MYLK: variants seen among roughly 807,000 people sequenced by gnomAD.
MYLK encodes myosin light chain kinase.
MYLK carries 106 observed loss-of-function variants against 203.4 expected under a neutral mutation model. That is an observed-to-expected ratio of 0.52 (90% CI 0.45 to 0.61). MYLK has a LOEUF of 0.61. Among genes scored for constraint, MYLK ranks in the 20% least tolerant of loss-of-function variants. The pLI is 0.00. For missense variants in MYLK, 2,072 were observed against 2,442.3 expected, an observed-to-expected ratio of 0.85 and a Z score of 3.20; for synonymous variants, 867 against 959.5, an observed-to-expected ratio of 0.90 and a Z score of 1.78.
chr3:123,829,880 C>T (rs1453621274), intron 3 of MYLK, among the ~76,000 whole-genome samples: 1 of 152,192 alleles, frequency 6.6e-6, no homozygotes, highest in Non-Finnish European at 1.5e-5. Context: ...CCAGATGTAT[C>T]TCAAGAGCTT....
At chr3:123,854,529 C>T (rs2031173597) in intron 2 of MYLK, among the ~76,000 whole-genome samples, 1 of 151,976 alleles carries the variant, frequency 6.6e-6, no homozygotes, top group Admixed American at 6.6e-5. Flanking sequence ...TTACATTGTA[C>T]ATATTTTCTC....
chr3:123,789,659 C>CAAAA (rs745766578), intron 4 of MYLK, among the ~76,000 whole-genome samples: 12 of 78,658 alleles, frequency 1.5e-4, no homozygotes, highest in African/African-American at 2.8e-4. Context: ...GCTGGCAAAG[C>CAAAA]AAAAAAAAAA....
chr3:123,632,520 C>T (rs1382164013), intron 29 of MYLK, among the ~76,000 whole-genome samples: 1 of 152,158 alleles, frequency 6.6e-6, no homozygotes, highest in African/African-American at 2.4e-5. Flanking sequence ...AGAGCCTCCT[C>T]GCCTCTGGCC....
chr3:123,667,788 G>A (rs1019531688), intron 20 of MYLK, among the ~76,000 whole-genome samples: 2 of 151,958 alleles, frequency 1.3e-5, no homozygotes, highest in African/African-American at 2.4e-5. Context: ...AGCCCTTTTC[G>A]AAGACGATAA....
chr3:123,704,747 C>CAAAAAAAAAAAA lies in MYLK; in HGVS notation c.2390+2995_2390+3006dup, dbSNP rs5852352. Among the ~76,000 whole-genome samples the CAAAAAAAAAAAA allele has an allele frequency of 2.3e-4, 20 of 87,672 alleles. No homozygotes were observed. In the East Asian group the frequency reaches 2.5e-3, roughly 11 times the overall value. 57.5% of individuals were successfully genotyped at this position (87,672 alleles called of 152,430 possible). On this transcript the variant is annotated intron_variant, in intron 16 of 33. Transcript: ENST00000360304. Reference sequence around the variant, plus strand: ...TGAAACCCCGTCTCTACTAAAAATACAAAAAAAAAAAAAAAAAAAAAAATT... The same window carrying CAAAAAAAAAAAA: ...TGAAACCCCGTCTCTACTAAAAATACAAAAAAAAAAAAAAAAAAAAAAAAAAAAAAAAAAATT...
chr3:123,820,098 G>GGGC (rs2065873586), intron 3 of MYLK, among the ~76,000 whole-genome samples: 1 of 152,182 alleles, frequency 6.6e-6, no homozygotes, highest in East Asian at 1.9e-4. Context: ...GCACAGAGCA[G>GGGC]GGCTCTCATG....
intron 16 of MYLK, among the ~76,000 whole-genome samples, chr3:123,703,625 G>T (rs2877734): frequency 0.081 from 12,265 of 152,174 alleles, 1,411 homozygotes; most frequent in East Asian, 0.49. Context: ...TCCTCAGTGT[G>T]CCCCGAGTTC....
At chr3:123,780,677 G>A (rs1343192383) in intron 4 of MYLK, among the ~76,000 whole-genome samples, 2 of 152,204 alleles carry the variant, frequency 1.3e-5, no homozygotes, top group African/African-American at 4.8e-5. Context: ...AAGCTGCCCA[G>A]TAAACACGTT....
intron 23 of MYLK, among the ~76,000 whole-genome samples, chr3:123,658,868 G>C (rs916590931): frequency 1.5e-3 from 232 of 152,134 alleles, no homozygotes; most frequent in Admixed American, 3.2e-3. Context: ...CCCTCTCCCA[G>C]CCCTGCCGAT....
chr3:123,792,940 C>T (rs1215650208), intron 4 of MYLK, among the ~76,000 whole-genome samples: 1 of 152,336 alleles, frequency 6.6e-6, no homozygotes, highest in East Asian at 1.9e-4. Flanking sequence ...CCCCTGCAAA[C>T]TCTCCAGACA....
intron 2 of MYLK, among the ~76,000 whole-genome samples, chr3:123,851,840 C>T: frequency 6.6e-6 from 1 of 152,088 alleles, no homozygotes; most frequent in Non-Finnish European, 1.5e-5. Context: ...AAAAGGAATG[C>T]TTCCAGTTTT....
chr3:123,631,124 G>T (rs918183415), intron 29 of MYLK, among the ~76,000 whole-genome samples: 4 of 152,196 alleles, frequency 2.6e-5, no homozygotes, highest in African/African-American at 9.7e-5. Context: ...GGGGCCAGGC[G>T]TGGTGGCTCA....
intron 4 of MYLK, among the ~76,000 whole-genome samples, chr3:123,766,839 G>T (rs1281898947): frequency 6.6e-6 from 1 of 152,206 alleles, no homozygotes; most frequent in Non-Finnish European, 1.5e-5. Context: ...TTGCAGAAAA[G>T]AAAAGAAACA....
chr3:123,655,426 C>A (rs561330259), intron 24 of MYLK, among the ~76,000 whole-genome samples: 167 of 152,252 alleles, frequency 1.1e-3, no homozygotes, highest in Admixed American at 3.7e-3. Context: ...CCCATGGTTG[C>A]AATTATTAAT....
Position 123,796,390 on chromosome 3 carries a change from C to T in MYLK, c.-3-2546G>A, listed in dbSNP as rs191956629. On this transcript the variant is annotated intron_variant, in intron 3 of 33. Transcript: ENST00000360304. ...AGCTGCTATTCTTAACCACTAGGCCCTCTTGCCTCCTGTAAGCAGTCAAAT... is the reference window on the plus strand; with the variant it reads ...AGCTGCTATTCTTAACCACTAGGCCTTCTTGCCTCCTGTAAGCAGTCAAAT... Among the ~76,000 whole-genome samples the T allele has an allele frequency of 3.9e-5, 6 of 152,260 alleles. No individual in the cohort carries two copies. The East Asian group carries it at 1.2e-3, about 29-fold the overall frequency.
intron 29 of MYLK, among the ~76,000 whole-genome samples, chr3:123,634,552 C>T (rs181650348): frequency 9.8e-5 from 15 of 152,296 alleles, no homozygotes; most frequent in South Asian, 4.1e-4. Context: ...GTCTGCACCA[C>T]GGTGGGTGTT....
chr3:123,659,660 G>T (rs773087218), intron 23 of MYLK: 2 of 517,952 alleles, frequency 3.9e-6, no homozygotes, highest in Non-Finnish European at 7.7e-6. Context: ...CCCATGCAGT[G>T]GCTGAACTAG....
chr3:123,673,138 G>A (rs1280497110), intron 20 of MYLK, among the ~76,000 whole-genome samples: 3 of 150,614 alleles, frequency 2.0e-5, no homozygotes, highest in African/African-American at 7.3e-5. Context: ...AGCATATAGT[G>A]CAGCATGTTC....
At chr3:123,802,519 A>T (rs2065231456) in intron 3 of MYLK, among the ~76,000 whole-genome samples, 2 of 152,268 alleles carry the variant, frequency 1.3e-5, no homozygotes, top group South Asian at 4.1e-4. Context: ...GCTCAGCAAC[A>T]CAACCCTGGT....
Sources: gnomAD v4.1 joint callset for allele counts (sites outside exome capture counted in the v4.1 genomes callset) on GRCh38, gnomAD v4.1.1 for gene constraint, MANE v1.5 for transcripts, NCBI Gene and HGNC (gene_info 2026-07-23, HGNC 2026-07-21) for gene names.